Variants in DSCAM observed in about 807,000 individuals in gnomAD.
DSCAM encodes the protein cell adhesion molecule DSCAM.
Under a neutral mutation model 217.7 loss-of-function variants are expected in DSCAM, and 47 were observed. The observed-to-expected ratio is 0.22, with a 90% CI of 0.17 to 0.28. The LOEUF is 0.28. Ranked by LOEUF, DSCAM falls within the 10% of genes least tolerant of loss-of-function variation. DSCAM has a pLI of 1.00. For synonymous variants in DSCAM, 1,056 were observed against 1,015.3 expected (o/e 1.04, Z -0.76); for missense variants, 2,080 against 2,618.3 (o/e 0.79, Z 4.49).
rs184327326 is a variant in DSCAM, at chr21:40,183,147, C to T, written c.2779+3984G>A. The stretch of plus-strand genomic sequence containing the variant: ...ACAGGAGAGGCAACAAGAGAACCTG[C>T]GGACAGGAGATGGCCCCCACAGGAA... On this transcript the variant is annotated intron_variant, in intron 14 of 32. Transcript: ENST00000400454. Among the ~76,000 whole-genome samples the T allele has an allele frequency of 8.1e-5, 12 of 147,776 alleles. 2 individuals carry two copies. Among genetic ancestry groups the T allele is most frequent in the Admixed American group, 1.4e-4 (2 of 14,454 alleles).
chr21:40,115,852 A>G (rs568712598), intron 20 of DSCAM, among the ~76,000 whole-genome samples: 9 of 152,364 alleles, frequency 5.9e-5, no homozygotes, highest in African/African-American at 2.2e-4. Context: ...ACACATGCAC[A>G]CATATATTCA....
chr21:40,432,089 G>C (rs1047540647), intron 3 of DSCAM, among the ~76,000 whole-genome samples: 2 of 152,096 alleles, frequency 1.3e-5, no homozygotes, highest in African/African-American at 2.4e-5. Flanking sequence ...TGTAATTTCA[G>C]CTACTTGGGA....
intron 3 of DSCAM, among the ~76,000 whole-genome samples, chr21:40,633,968 G>A (rs985463449): frequency 1.3e-5 from 2 of 152,120 alleles, no homozygotes; most frequent in Non-Finnish European, 2.9e-5. Context: ...CCAAAGGGAG[G>A]ACACAAAGGG....
intron 1 of DSCAM, among the ~76,000 whole-genome samples, chr21:40,845,999 GT>G (rs71332311): frequency 0.099 from 14,021 of 141,458 alleles, 1,545 homozygotes; most frequent in African/African-American, 0.28. Flanking sequence ...CTATACAGGT[GT>G]TTTTTTTTTT....
chr21:40,224,093 G>A (rs1395654937), intron 11 of DSCAM, among the ~76,000 whole-genome samples: 1 of 152,162 alleles, frequency 6.6e-6, no homozygotes, highest in East Asian at 1.9e-4. Context: ...GAAAACCTTC[G>A]GCTAGGTATA....
chr21:40,693,532 T>G (rs1223530503), intron 2 of DSCAM, among the ~76,000 whole-genome samples: 1 of 152,098 alleles, frequency 6.6e-6, no homozygotes, highest in South Asian at 2.1e-4. Flanking sequence ...AGTTACTGGC[T>G]CTGCAAAGTT....
At chr21:40,427,412 G>A (rs1238654463) in intron 3 of DSCAM, among the ~76,000 whole-genome samples, 1 of 152,194 alleles carries the variant, frequency 6.6e-6, no homozygotes, top group Non-Finnish European at 1.5e-5. Flanking sequence ...AGGTTAATGG[G>A]AGCTTTGTTA....
Position 40,311,113 on chromosome 21 carries a change from C to T in DSCAM, c.2062+968G>A, listed in dbSNP as rs116758819. 4.2e-3 allele frequency among the ~76,000 whole-genome samples: 635 copies of T among 152,222 alleles called. 5 individuals are homozygous for T. Among genetic ancestry groups the T allele is most frequent in the African/African-American group, 0.015 (614 of 41,540 alleles). The stretch of plus-strand genomic sequence containing the variant: ...TGAAGAAGGACATGAGAATCTCCTG[C>T]TCAAGAAAGAGCTATCTCCACTCTC... On this transcript the variant is annotated intron_variant, in intron 9 of 32. Coordinates refer to ENST00000400454, the MANE Select transcript of DSCAM (RefSeq NM_001389.5).
chr21:40,263,354 A>T (rs1055017519), intron 11 of DSCAM, among the ~76,000 whole-genome samples: 1 of 152,228 alleles, frequency 6.6e-6, no homozygotes, highest in Non-Finnish European at 1.5e-5. Flanking sequence ...CAATCATATC[A>T]AGTATCTTCT....
At chr21:40,749,955 T>C (rs1024232519) in intron 1 of DSCAM, among the ~76,000 whole-genome samples, 1 of 152,082 alleles carries the variant, frequency 6.6e-6, no homozygotes, top group East Asian at 1.9e-4. Flanking sequence ...TTTTCCTTTT[T>C]TGAGACATGT....
chr21:40,782,202 C>T (rs2091553411), intron 1 of DSCAM, among the ~76,000 whole-genome samples: 1 of 151,602 alleles, frequency 6.6e-6, no homozygotes, highest in Admixed American at 6.6e-5. Context: ...AAAAAACCTT[C>T]TCTTCTAGTC....
At chr21:40,592,954 G>A (rs2076994571) in intron 3 of DSCAM, among the ~76,000 whole-genome samples, 1 of 152,196 alleles carries the variant, frequency 6.6e-6, no homozygotes, top group African/African-American at 2.4e-5. Context: ...TGATTAAATG[G>A]AAACGAGGTT....
intron 3 of DSCAM, among the ~76,000 whole-genome samples, chr21:40,427,561 T>C (rs993289284): frequency 1.3e-5 from 2 of 152,174 alleles, no homozygotes; most frequent in African/African-American, 4.8e-5. Context: ...ACATTCAGAA[T>C]CCCTGGCCTT....
At chr21:40,284,504 C>A (rs529083992) in intron 10 of DSCAM, among the ~76,000 whole-genome samples, 26 of 152,272 alleles carry the variant, frequency 1.7e-4, no homozygotes, top group African/African-American at 6.0e-4. Context: ...TTACATTTTA[C>A]CAGTGAGAGG....
chr21:40,421,623 C>T (rs2075425089), intron 3 of DSCAM, among the ~76,000 whole-genome samples: 3 of 152,238 alleles, frequency 2.0e-5, no homozygotes, highest in Admixed American at 6.5e-5. Flanking sequence ...TACTGCCTCT[C>T]ACAGTCTTTG....
Position 40,782,188 on chromosome 21 carries a change from A to AC in DSCAM, c.43+64430_43+64431insG, listed in dbSNP as rs566616136. On this transcript the variant is annotated intron_variant, in intron 1 of 32. Transcript: ENST00000400454. Reference sequence around the variant, plus strand: ...TCCATCTCAAAAACAAAAAACAACAAAAAAAAAAACCTTCTCTTCTAGTCC... The same window carrying AC: ...TCCATCTCAAAAACAAAAAACAACAACAAAAAAAAACCTTCTCTTCTAGTCC... Among the ~76,000 whole-genome samples the AC allele has an allele frequency of 2.4e-3, 361 of 148,398 alleles. 2 individuals are homozygous for AC. Among genetic ancestry groups the AC allele is most frequent in the African/African-American group, 8.7e-3 (349 of 40,138 alleles).
intron 3 of DSCAM, among the ~76,000 whole-genome samples, chr21:40,473,509 G>A (rs1997549): frequency 0.11 from 17,181 of 152,178 alleles, 1,034 homozygotes; most frequent in Middle Eastern, 0.18. Context: ...TAACACCAGC[G>A]CAAATATGAC....
chr21:40,364,752 GTA>G (rs2074812472), intron 4 of DSCAM, among the ~76,000 whole-genome samples: 1 of 129,752 alleles, frequency 7.7e-6, no homozygotes, highest in African/African-American at 3.3e-5. Context: ...ACACACACTA[GTA>G]TATATACATA....
At chr21:40,330,286 A>G (rs1025193309) in intron 8 of DSCAM, among the ~76,000 whole-genome samples, 2 of 147,568 alleles carry the variant, frequency 1.4e-5, no homozygotes, top group East Asian at 1.9e-4. Context: ...TATTTATTAT[A>G]TTATATGCAT....
Sources: allele counts gnomAD v4.1 joint callset (sites outside exome capture counted in the v4.1 genomes callset), GRCh38; gene constraint gnomAD v4.1.1; transcripts MANE v1.5; gene names NCBI Gene and HGNC (gene_info 2026-07-23, HGNC 2026-07-21).